TBL1XR1: variants seen among roughly 807,000 people sequenced by gnomAD.
TBL1XR1 encodes F-box-like/WD repeat-containing protein TBL1XR1.
TBL1XR1 carries 5 observed loss-of-function variants against 66.9 expected under a neutral mutation model. That is an observed-to-expected ratio of 0.07 (90% CI 0.04 to 0.16). The LOEUF (loss-of-function observed/expected upper bound fraction) is 0.16. Ranked by LOEUF, TBL1XR1 falls within the 10% of genes least tolerant of loss-of-function variation. The probability of loss-of-function intolerance (pLI) is 1.00; values close to 1 mark genes in which losing one functional copy is unlikely to be tolerated. For missense variants in TBL1XR1, 238 were observed against 623.2 expected, an observed-to-expected ratio of 0.38 and a Z score of 6.58; for synonymous variants, 210 against 206.0, an observed-to-expected ratio of 1.02 and a Z score of -0.17.
chr3:177,029,981 T>C (rs1413684924), intron 14 of TBL1XR1, among the ~76,000 whole-genome samples: 2 of 152,266 alleles, frequency 1.3e-5, no homozygotes, highest in South Asian at 2.1e-4. Context: ...AAATCCTAAA[T>C]ATTGTGATTA....
chr3:177,154,647 A>G (rs1472139430), intron 1 of TBL1XR1, among the ~76,000 whole-genome samples: 1 of 152,114 alleles, frequency 6.6e-6, no homozygotes, highest in Non-Finnish European at 1.5e-5. Flanking sequence ...TGCCCGCCTC[A>G]GCCTCCCGGA....
At chr3:177,026,011 G>T in intron 15 of TBL1XR1, 1 of 292,266 alleles carries the variant, frequency 3.4e-6, no homozygotes, top group Non-Finnish European at 6.3e-6. Flanking sequence ...ACTGCCTCTA[G>T]TTCTGCCTTC....
At chr3:177,168,584 G>C (rs1733104282) in intron 1 of TBL1XR1, among the ~76,000 whole-genome samples, 1 of 152,084 alleles carries the variant, frequency 6.6e-6, no homozygotes, top group African/African-American at 2.4e-5. Flanking sequence ...GTCCGGCCAT[G>C]AACCGTTTTC....
chr3:177,198,244 A>G (rs1269271491), upstream of TBL1XR1, among the ~76,000 whole-genome samples: 1 of 152,224 alleles, frequency 6.6e-6, no homozygotes, highest in Non-Finnish European at 1.5e-5. Context: ...GGTTTTTGAT[A>G]CTAAACACAA....
chr3:177,026,768 A>G (rs1560092064), intron 14 of TBL1XR1: 2 of 272,364 alleles, frequency 7.3e-6, no homozygotes, highest in Non-Finnish European at 1.3e-5. Flanking sequence ...AGCTAGAAGT[A>G]AACAGTCAGT....
chr3:177,161,589 C>A (rs988175583), intron 1 of TBL1XR1, among the ~76,000 whole-genome samples: 3 of 152,166 alleles, frequency 2.0e-5, no homozygotes, highest in African/African-American at 4.8e-5. Flanking sequence ...TTGAGACCAG[C>A]CTGGCCAACT....
intron 1 of TBL1XR1, among the ~76,000 whole-genome samples, chr3:177,147,289 T>G (rs1730368097): frequency 6.6e-6 from 1 of 152,136 alleles, no homozygotes; most frequent in African/African-American, 2.4e-5. Context: ...GCTCAAGCAA[T>G]TCTCCTGCCT....
chr3:177,135,887 G>A (rs1728936472), intron 1 of TBL1XR1, among the ~76,000 whole-genome samples: 1 of 151,470 alleles, frequency 6.6e-6, no homozygotes, highest in Non-Finnish European at 1.5e-5. Flanking sequence ...GTTAATCCCA[G>A]AGGGCTGGAA....
At chr3:177,198,887 C>CGGT (rs1737258074), upstream of TBL1XR1, among the ~76,000 whole-genome samples, 1 of 151,682 alleles carries the variant, frequency 6.6e-6, no homozygotes, top group Non-Finnish European at 1.5e-5. Context: ...CACACACACA[C>CGGT]ACACACACAC....
rs559429412 is a variant in TBL1XR1 at position 177,130,290 on chromosome 3, T to C, written c.-121-31749A>G. ...AATAACTTATATACAATGTTATTCATTGCTGCATTATAAAAAGAAACAACC... is the reference window on the plus strand; with the variant it reads ...AATAACTTATATACAATGTTATTCACTGCTGCATTATAAAAAGAAACAACC... On this transcript the variant is annotated intron_variant, in intron 1 of 15. Coordinates refer to ENST00000457928, the MANE Select transcript of TBL1XR1 (RefSeq NM_024665.7). Among the ~76,000 whole-genome samples, 7 of 152,206 alleles carry C rather than the reference T, an allele frequency of 4.6e-5. No homozygotes were observed. The South Asian group carries it at 1.0e-3, about 22-fold the overall frequency.
intron 1 of TBL1XR1, among the ~76,000 whole-genome samples, chr3:177,137,547 A>G (rs1283367757): frequency 2.6e-5 from 4 of 152,246 alleles, no homozygotes; most frequent in South Asian, 2.1e-4. Flanking sequence ...ACATTTTTTA[A>G]GAAGAGAGGC....
At chr3:177,187,444 G>A (rs922760301) in intron 1 of TBL1XR1, among the ~76,000 whole-genome samples, 10 of 150,128 alleles carry the variant, frequency 6.7e-5, no homozygotes, top group Admixed American at 4.6e-4. Context: ...TTGAAGTATC[G>A]AGTATACTCA....
chr3:177,144,823 C>G (rs1024254372), intron 1 of TBL1XR1, among the ~76,000 whole-genome samples: 1 of 152,142 alleles, frequency 6.6e-6, no homozygotes, highest in African/African-American at 2.4e-5. Context: ...GGCTGTATTT[C>G]AATAAAACTT....
intron 2 of TBL1XR1, among the ~76,000 whole-genome samples, chr3:177,075,164 G>C (rs951877401): frequency 6.6e-6 from 1 of 152,162 alleles, no homozygotes; most frequent in Non-Finnish European, 1.5e-5. Context: ...CAACGGAAAA[G>C]AGAGTCGTTC....
At chr3:177,053,619 G>C (rs1717402307) in intron 4 of TBL1XR1, among the ~76,000 whole-genome samples, 154 bp downstream of exon 4, 2 of 152,102 alleles carry the variant, frequency 1.3e-5, no homozygotes, top group Admixed American at 1.3e-4. Flanking sequence ...ACACCTTGCC[G>C]GTGCAACCTG....
At chr3:177,046,221 A>C in intron 9 of TBL1XR1, 32 bp from the exon 10 acceptor site, 86 of 1,491,192 alleles carry the variant, frequency 5.8e-5, no homozygotes, top group Non-Finnish European at 6.7e-5. Context: ...AAATAAACTC[A>C]TGGAAAGAAG....
chr3:177,200,851 C>A (rs1577476787), upstream of TBL1XR1, among the ~76,000 whole-genome samples: 2 of 151,842 alleles, frequency 1.3e-5, no homozygotes, highest in Admixed American at 6.6e-5. Flanking sequence ...ACTAAAAATA[C>A]AAAATATTAG....
intron 7 of TBL1XR1, among the ~76,000 whole-genome samples, chr3:177,049,750 G>T (rs945348095): frequency 9.2e-5 from 14 of 152,240 alleles, no homozygotes; most frequent in South Asian, 2.1e-4. Context: ...AGAGTAAAAA[G>T]TAACAATTTA....
At chr3:177,030,226 GTT>G (rs1363407245) in intron 14 of TBL1XR1, among the ~76,000 whole-genome samples, 1 of 151,646 alleles carries the variant, frequency 6.6e-6, no homozygotes, top group East Asian at 1.9e-4. Flanking sequence ...TTCCAGCAAT[GTT>G]GTACATTTTT....
Sources: gnomAD v4.1 joint callset for allele counts (sites outside exome capture counted in the v4.1 genomes callset) on GRCh38, gnomAD v4.1.1 for gene constraint, MANE v1.5 for transcripts, NCBI Gene and HGNC (gene_info 2026-07-23, HGNC 2026-07-21) for gene names.